Variants in KCNH5 observed in about 807,000 individuals in gnomAD.
The protein encoded by KCNH5 is potassium voltage-gated channel subfamily H member 5.
Under a neutral mutation model 96.1 loss-of-function variants are expected in KCNH5, and 46 were observed. The ratio of observed to expected loss-of-function variants is 0.48; its 90% CI spans 0.38 to 0.61. The LOEUF (loss-of-function observed/expected upper bound fraction) is 0.61. KCNH5 is among the 20% of genes least tolerant of loss of function. KCNH5 has a pLI of 0.00. For missense variants in KCNH5, 907 were observed against 1,225.8 expected, an observed-to-expected ratio of 0.74 and a Z score of 3.88; for synonymous variants, 439 against 449.8, an observed-to-expected ratio of 0.98 and a Z score of 0.30.
intron 7 of KCNH5, among the ~76,000 whole-genome samples, chr14:62,941,046 T>C (rs1466377601): frequency 1.3e-5 from 2 of 152,178 alleles, no homozygotes; most frequent in Admixed American, 6.6e-5. Flanking sequence ...AGTGATTTTC[T>C]TGTTTGACCC....
intron 1 of KCNH5, among the ~76,000 whole-genome samples, chr14:63,033,871 G>A (rs1168127591): frequency 1.3e-5 from 2 of 151,740 alleles, no homozygotes; most frequent in Non-Finnish European, 2.9e-5. Flanking sequence ...CGCTTTGAAT[G>A]GCCTCTAGAA....
intron 6 of KCNH5, among the ~76,000 whole-genome samples, chr14:62,980,202 A>T (rs1222035559): frequency 6.6e-6 from 1 of 152,210 alleles, no homozygotes; most frequent in Non-Finnish European, 1.5e-5. Flanking sequence ...TTCTGTTTAT[A>T]AATTACCCAG....
chr14:62,777,356 C>T (rs116305044), intron 10 of KCNH5, among the ~76,000 whole-genome samples: 1,871 of 152,238 alleles, frequency 0.012, 34 homozygotes, highest in African/African-American at 0.042. Flanking sequence ...AGAAACTTAA[C>T]GTCTTCATGG....
intron 9 of KCNH5, among the ~76,000 whole-genome samples, chr14:62,787,449 T>A (rs115743248): frequency 0.012 from 1,865 of 152,254 alleles, 37 homozygotes; most frequent in African/African-American, 0.042. Context: ...AACATAAAAA[T>A]GCAAGCTGAA....
Position 62,799,548 on chromosome 14 carries a change from G to A in KCNH5, c.1822+2781C>T, listed in dbSNP as rs375399481. On this transcript the variant is annotated intron_variant, in intron 9 of 10. Transcript: ENST00000322893. Reference sequence around the variant, plus strand: ...AGATCACACCATTGCACTCCAGCCTGGGCAACAAGAGTGAAACTCCGTCTC... The same window carrying A: ...AGATCACACCATTGCACTCCAGCCTAGGCAACAAGAGTGAAACTCCGTCTC... Among the ~76,000 whole-genome samples the A allele has an allele frequency of 1.3e-3, 162 of 127,480 alleles. 6 individuals are homozygous for A. The East Asian group carries it at 0.028, about 22-fold the overall frequency. 83.6% of individuals were successfully genotyped at this position (127,480 alleles called of 152,430 possible).
At chr14:62,723,520 G>C (rs1192816100) in intron 10 of KCNH5, among the ~76,000 whole-genome samples, 1 of 152,184 alleles carries the variant, frequency 6.6e-6, no homozygotes, top group Non-Finnish European at 1.5e-5. Context: ...GAGAGTCAAA[G>C]TGATTAGCCA....
intron 10 of KCNH5, among the ~76,000 whole-genome samples, chr14:62,737,215 A>C (rs987014871): frequency 1.3e-5 from 2 of 152,218 alleles, no homozygotes; most frequent in Non-Finnish European, 2.9e-5. Context: ...TCCCAAACAC[A>C]AATTTAATCT....
chr14:62,797,227 T>C (rs866933373), intron 9 of KCNH5, among the ~76,000 whole-genome samples: 1 of 152,182 alleles, frequency 6.6e-6, no homozygotes, highest in Admixed American at 6.5e-5. Context: ...AAAACTCCTA[T>C]TTTATTCCAA....
At chr14:62,990,102 GA>G (rs558576380) in intron 4 of KCNH5, among the ~76,000 whole-genome samples, 1 of 150,788 alleles carries the variant, frequency 6.6e-6, no homozygotes, top group African/African-American at 2.4e-5. Flanking sequence ...TTCCCTGTGT[GA>G]AAAAAAGGTT....
At chr14:62,890,556 G>A (rs1457582958) in intron 7 of KCNH5, among the ~76,000 whole-genome samples, 4 of 151,186 alleles carry the variant, frequency 2.6e-5, no homozygotes, top group South Asian at 2.1e-4. Context: ...AAAATTAGCC[G>A]GGCGTGGTGG....
intron 2 of KCNH5, among the ~76,000 whole-genome samples, chr14:63,011,205 C>T (rs752497558): frequency 7.2e-5 from 11 of 152,042 alleles, no homozygotes; most frequent in African/African-American, 2.2e-4. Context: ...GTTTTCGGCC[C>T]GGCACAGTGG....
chr14:62,770,045 C>T (rs530809263), intron 10 of KCNH5, among the ~76,000 whole-genome samples: 6 of 152,110 alleles, frequency 3.9e-5, no homozygotes, highest in South Asian at 4.1e-4. Flanking sequence ...TTGATGGATT[C>T]GTGGAACAAA....
At chr14:63,028,549 A>G (rs1378820291) in intron 1 of KCNH5, among the ~76,000 whole-genome samples, 1 of 152,122 alleles carries the variant, frequency 6.6e-6, no homozygotes, top group Non-Finnish European at 1.5e-5. Flanking sequence ...TTAAATTCTA[A>G]TTCTTGGCTG....
At chr14:62,745,915 G>C (rs747910901) in intron 10 of KCNH5, among the ~76,000 whole-genome samples, 36 of 152,144 alleles carry the variant, frequency 2.4e-4, no homozygotes, top group Non-Finnish European at 3.5e-4. Flanking sequence ...TGGACATAAG[G>C]ATTCTGTATC....
chr14:62,883,282 C>T (rs186855023), intron 7 of KCNH5, among the ~76,000 whole-genome samples: 1 of 152,246 alleles, frequency 6.6e-6, no homozygotes, highest in East Asian at 1.9e-4. Flanking sequence ...TAGGATGTAT[C>T]TAAAAAATTT....
At chr14:62,748,976 CG>C (rs1885439225) in intron 10 of KCNH5, among the ~76,000 whole-genome samples, 2 of 152,204 alleles carry the variant, frequency 1.3e-5, no homozygotes, top group East Asian at 3.9e-4. Flanking sequence ...AAGCCGATAG[CG>C]TATCAATGGC....
chr14:62,711,030 T>C (rs1884555901), intron 10 of KCNH5, among the ~76,000 whole-genome samples: 1 of 152,196 alleles, frequency 6.6e-6, no homozygotes, highest in African/African-American at 2.4e-5. Context: ...TTGGTATTAC[T>C]GACATCTGAG....
At chr14:62,841,401 G>A (rs1887582144) in intron 8 of KCNH5, among the ~76,000 whole-genome samples, 1 of 152,126 alleles carries the variant, frequency 6.6e-6, no homozygotes, top group Non-Finnish European at 1.5e-5. Flanking sequence ...AATCAAGGCA[G>A]CTCAGAATAC....
chr14:62,969,114 G>GA (rs1444812187), intron 6 of KCNH5, among the ~76,000 whole-genome samples: 4 of 152,004 alleles, frequency 2.6e-5, no homozygotes, highest in African/African-American at 9.7e-5. Context: ...AACAATATCT[G>GA]AAAAATACCC....
Sources: gnomAD v4.1 joint callset for allele counts (sites outside exome capture counted in the v4.1 genomes callset) on GRCh38, gnomAD v4.1.1 for gene constraint, MANE v1.5 for transcripts, NCBI Gene and HGNC (gene_info 2026-07-23, HGNC 2026-07-21) for gene names.